MYOM2: variants seen among roughly 807,000 people sequenced by gnomAD.
The protein encoded by MYOM2 is myomesin 2, also known as myomesin-2.
MYOM2 carries 254 observed loss-of-function variants against 187.6 expected under a neutral mutation model. That is an observed-to-expected ratio of 1.35 (90% confidence interval 1.22 to 1.50). MYOM2 has a LOEUF of 1.50. Among genes scored for constraint, MYOM2 ranks in the 40% most tolerant of loss-of-function variants. The pLI, the probability that MYOM2 is intolerant of heterozygous loss-of-function variation, is 0.00. For synonymous variants in MYOM2, 981 were observed against 753.8 expected (o/e 1.30, Z -4.94); for missense variants, 2,796 against 1,924.0 (o/e 1.45, Z -8.48).
In MYOM2 at chr8:2,108,730, A is replaced by G. The variant is rs1052308202; in HGVS notation, c.2999-56A>G. 9.5e-6 allele frequency: 15 copies of G among 1,586,076 alleles called. No individual in the cohort carries two copies. In the African/African-American group the frequency reaches 1.9e-4, roughly 20 times the overall value. On this transcript the variant is annotated intron_variant, in intron 23 of 36. Coordinates refer to ENST00000262113, the MANE Select transcript of MYOM2 (RefSeq NM_003970.4). Reference sequence around the variant, plus strand: ...CTCGTGTGTCGCCTTGCTGTTGTCTACAAACTTCTCTAGGTGCAGGTCCAG... The same window carrying G: ...CTCGTGTGTCGCCTTGCTGTTGTCTGCAAACTTCTCTAGGTGCAGGTCCAG...
chr8:2,121,382 CT>C (rs1349872826), intron 28 of MYOM2, among the ~76,000 whole-genome samples: 1 of 152,070 alleles, frequency 6.6e-6, no homozygotes, highest in Non-Finnish European at 1.5e-5. Context: ...TCCATGGGCT[CT>C]GATATCATCT....
At chr8:2,059,315 C>A in intron 6 of MYOM2, 70 bp downstream of exon 6, 1 of 1,423,028 alleles carries the variant, frequency 7.0e-7, no homozygotes, top group Non-Finnish European at 9.8e-7. Context: ...AAGAAGAAGT[C>A]AGATGGGTAA....
chr8:2,118,103 G>A (rs1485118161), intron 28 of MYOM2, 151 bp downstream of exon 28: 1 of 600,918 alleles, frequency 1.7e-6, no homozygotes, highest in Non-Finnish European at 2.9e-6. Flanking sequence ...GTGGCTTTTG[G>A]GTCCTGTGGA....
chr8:2,076,616 C>A, intron 11 of MYOM2: 1 of 232,896 alleles, frequency 4.3e-6, no homozygotes, highest in Non-Finnish European at 8.3e-6. Flanking sequence ...TGCCCCGTAC[C>A]GGACAGGGCC....
intron 25 of MYOM2, among the ~76,000 whole-genome samples, chr8:2,114,473 C>A (rs1294942916): frequency 6.9e-6 from 1 of 145,658 alleles, no homozygotes; most frequent in African/African-American, 2.6e-5. Context: ...GACAAAATTT[C>A]TTCTTTCCCC....
At chr8:2,088,575 A>AC in intron 14 of MYOM2, among the ~76,000 whole-genome samples, 1 of 152,214 alleles carries the variant, frequency 6.6e-6, no homozygotes, top group Non-Finnish European at 1.5e-5. Flanking sequence ...CTCCAGCTGC[A>AC]CCCATGTGGC....
At chr8:2,059,717 C>CT (rs1424316856) in intron 6 of MYOM2, among the ~76,000 whole-genome samples, 1 of 148,536 alleles carries the variant, frequency 6.7e-6, no homozygotes, top group Non-Finnish European at 1.5e-5. Flanking sequence ...GCTGGCATTT[C>CT]TTTTTTCCTC....
Position 2,088,515 on chromosome 8 carries a change from A to G in MYOM2, c.1645-1493A>G, listed in dbSNP as rs552715025. On this transcript the variant is annotated intron_variant, in intron 14 of 36. Transcript: ENST00000262113. ...TTAGCTCCCACTTATAAGTGAGAAC[A>G]TGCAGTATTTGGTTTTCTGTTCCTG... Among the ~76,000 whole-genome samples, 154 of 152,336 alleles carry G rather than the reference A, an allele frequency of 1.0e-3. 1 individual carries two copies. The highest frequency in any genetic ancestry group is 3.4e-3 in the Middle Eastern group (1 of 294).
At chr8:2,115,392 G>C (rs986886812) in intron 25 of MYOM2, among the ~76,000 whole-genome samples, 1 of 152,166 alleles carries the variant, frequency 6.6e-6, no homozygotes. Context: ...ATCTGTGCAT[G>C]TACTGTAGAA....
At chr8:2,083,959 C>T (rs1010212997) in intron 13 of MYOM2, among the ~76,000 whole-genome samples, 1 of 152,230 alleles carries the variant, frequency 6.6e-6, no homozygotes, top group Admixed American at 6.5e-5. Flanking sequence ...AAAGTGTGAA[C>T]GAGATGCTGC....
rs896521828 is a variant in MYOM2, at chr8:2,143,971, G to A, written c.4080+515G>A. Among the ~76,000 whole-genome samples, 3 of 152,218 alleles carry A rather than the reference G, an allele frequency of 2.0e-5. 1 individual carries two copies. Among genetic ancestry groups the A allele is most frequent in the African/African-American group, 7.2e-5 (3 of 41,462 alleles). The stretch of plus-strand genomic sequence containing the variant: ...ATTGGAGTTTAATTTGTTGCCTGTC[G>A]GGAGAATTATTGATATCTAATTGAT... On this transcript the variant is annotated intron_variant, in intron 36 of 36. Coordinates refer to ENST00000262113, the MANE Select transcript of MYOM2 (RefSeq NM_003970.4).
chr8:2,098,015 C>T (rs1337068304), intron 18 of MYOM2: 2 of 151,934 alleles, frequency 1.3e-5, no homozygotes, highest in Admixed American at 1.3e-4. Flanking sequence ...TTTCAGATTC[C>T]ACATCTGAGC....
At chr8:2,121,591 A>G (rs900745517) in intron 28 of MYOM2, among the ~76,000 whole-genome samples, 1 of 152,232 alleles carries the variant, frequency 6.6e-6, no homozygotes, top group African/African-American at 2.4e-5. Flanking sequence ...TTTTGTCTAC[A>G]GGGTTTTTCA....
intron 31 of MYOM2, among the ~76,000 whole-genome samples, chr8:2,127,484 T>A (rs1381833209): frequency 6.6e-6 from 1 of 152,222 alleles, no homozygotes; most frequent in Non-Finnish European, 1.5e-5. Context: ...TTCTGTCATT[T>A]CCTCCCCTGT....
chr8:2,079,677 G>A, intron 13 of MYOM2, 64 bp downstream of exon 13: 1 of 1,539,174 alleles, frequency 6.5e-7, no homozygotes, highest in South Asian at 1.1e-5. Context: ...AATTAGAGAT[G>A]GGAGAGATGG....
chr8:2,094,205 A>G, intron 17 of MYOM2, 114 bp downstream of exon 17: 1 of 1,353,180 alleles, frequency 7.4e-7, no homozygotes, highest in Non-Finnish European at 1.0e-6. Context: ...AGGGGACTAA[A>G]TTCCTGAACA....
At position 2,144,818 on chromosome 8, in the gene MYOM2, A is replaced by C; in HGVS notation, c.4235A>C (p.Asp1412Ala). ...SMTIKGVTSE[D>A]SGKYSINIKN... ...ACCATCAAAGGCGTGACCTCCGAGG[A>C]CTCGGGCAAGTACAGCATCAACATC... Residue 1412 changes from aspartate to alanine, a missense_variant, in exon 37 of 37, where the codon GAC (aspartate) becomes GCC (alanine). Transcript: ENST00000262113. The C allele has an allele frequency of 1.2e-6, 2 of 1,614,026 alleles. No homozygotes were observed. Among genetic ancestry groups the C allele is most frequent in the Non-Finnish European group, 8.5e-7 (1 of 1,180,006 alleles).
In MYOM2 at chr8:2,052,198, C is replaced by G. The variant is rs1181005678; in HGVS notation, c.148C>G (p.Gln50Glu). The stretch of plus-strand genomic sequence containing the variant: ...GGCATCTTCCCAGAAGTCCTTGAGT[C>G]AGCGGTCGTCTTCACAGAGAGCCTC... ...TQASSQKSLS[Q>E]RSSSQRASSQ... The change falls in exon 3 of 37, where the codon CAG (glutamine) becomes GAG (glutamate). Residue 50 changes from glutamine to glutamate, a missense_variant. Gln to Glu is a conservative substitution (Grantham distance 29). Coordinates refer to ENST00000262113, the MANE Select transcript of MYOM2 (RefSeq NM_003970.4). 6.2e-7 allele frequency: 1 copy of G among 1,613,364 alleles called. No homozygotes were observed. The highest frequency in any genetic ancestry group is 8.5e-7 in the Non-Finnish European group (1 of 1,179,772).
At chr8:2,115,845 T>A in intron 25 of MYOM2, 115 bp from the exon 26 acceptor site, 1 of 1,209,304 alleles carries the variant, frequency 8.3e-7, no homozygotes, top group Non-Finnish European at 1.1e-6. Flanking sequence ...CATTTTGGTT[T>A]CTTCCTATCA....
Sources: gnomAD v4.1 joint callset for allele counts (sites outside exome capture counted in the v4.1 genomes callset) on GRCh38, gnomAD v4.1.1 for gene constraint, MANE v1.5 for transcripts, NCBI Gene and HGNC (gene_info 2026-07-23, HGNC 2026-07-21) for gene names.